The following TLN2 variants were observed in gnomAD, a reference collection of about 807,000 sequenced individuals.
TLN2 encodes talin 2.
In TLN2, 118 loss-of-function variants were observed where a neutral mutation model predicts 294.7. The observed-to-expected ratio is 0.40, with a 90% CI of 0.34 to 0.47. The LOEUF (loss-of-function observed/expected upper bound fraction) is 0.47. Among genes scored for constraint, TLN2 ranks in the 20% least tolerant of loss-of-function variants. TLN2 has a pLI of 0.84. For synonymous variants in TLN2, 1,431 were observed against 1,304.5 expected (o/e 1.10, Z -2.09); for missense variants, 3,083 against 3,282.2 (o/e 0.94, Z 1.48).
At chr15:62,716,271 G>C in intron 22 of TLN2, 60 bp from the exon 23 acceptor site, 2 of 1,448,326 alleles carry the variant, frequency 1.4e-6, no homozygotes, top group Non-Finnish European at 1.8e-6. Flanking sequence ...AATACTGAAG[G>C]CATGAATTCA....
In TLN2 at chr15:62,841,966, C is replaced by CCTCTCTCTCTCACCCTCCGCCT. The variant is rs1555529773; in HGVS notation, c.*1367_*1368insACCCTCCGCCTCTCTCTCTCTC. 8.0e-5 allele frequency: 12 copies of CCTCTCTCTCTCACCCTCCGCCT among 149,380 alleles called. No individual in the cohort carries two copies. Among genetic ancestry groups the CCTCTCTCTCTCACCCTCCGCCT allele is most frequent in the African/African-American group, 2.7e-4 (11 of 40,612 alleles). The allele number at this position is 149,380 out of a possible 1,614,324, so 9.3% of individuals were successfully genotyped here. A position where few individuals can be genotyped will look rare whatever the true frequency, so the allele number is the denominator to read the frequency against. ...AACAGTTAAAGGCACTCACCCTCCG[C>CCTCTCTCTCTCACCCTCCGCCT]CTCTCTCTCTCTCTCTCTCTCTGGT... is the stretch of plus-strand genomic sequence containing the variant. On this transcript the variant is annotated 3_prime_UTR_variant, in exon 59 of 59. Coordinates refer to ENST00000636159, the MANE Select transcript of TLN2 (RefSeq NM_015059.3).
At chr15:62,722,515 C>G in intron 26 of TLN2, 28 bp downstream of exon 26, 2 of 1,591,350 alleles carry the variant, frequency 1.3e-6, no homozygotes, top group South Asian at 1.1e-5. Flanking sequence ...TAGGGGTTAA[C>G]TTGTCAGGAA....
intron 58 of TLN2, among the ~76,000 whole-genome samples, chr15:62,839,456 C>G (rs1390351997): frequency 6.6e-6 from 1 of 152,190 alleles, no homozygotes; most frequent in Non-Finnish European, 1.5e-5. Flanking sequence ...TAAAATGATG[C>G]ATTTGGAGGT....
chr15:62,797,416 C>G lies in TLN2; in HGVS notation c.6234+14C>G. The G allele has an allele frequency of 6.3e-7, 1 of 1,579,134 alleles. No individual in the cohort carries two copies. Among genetic ancestry groups the G allele is most frequent in the Non-Finnish European group, 8.6e-7 (1 of 1,167,700 alleles). ...CCCGAGACCCAGGTACCAGCAGGGC[C>G]TGGGGAGTGCGTCCTCCCGGTCTTC... is the stretch of plus-strand genomic sequence containing the variant. On this transcript the variant is annotated intron_variant, in intron 48 of 58. Transcript: ENST00000636159.
At chr15:62,562,500 C>A (rs1229471476) in intron 1 of TLN2, among the ~76,000 whole-genome samples, 1 of 151,674 alleles carries the variant, frequency 6.6e-6, no homozygotes, top group African/African-American at 2.4e-5. Flanking sequence ...TTGGCTCTGC[C>A]CCTTCTAGCC....
intron 1 of TLN2, among the ~76,000 whole-genome samples, chr15:62,527,712 T>G (rs2040816722): frequency 6.6e-6 from 1 of 152,244 alleles, no homozygotes; most frequent in South Asian, 2.1e-4. Flanking sequence ...GCTTTAACTT[T>G]CAATTCCAGG....
intron 1 of TLN2, among the ~76,000 whole-genome samples, chr15:62,520,622 A>G (rs2040409184): frequency 6.6e-6 from 1 of 152,224 alleles, no homozygotes; most frequent in Admixed American, 6.5e-5. Context: ...TCTAAACGGG[A>G]AACATAACTA....
chr15:62,412,243 A>G (rs905708085), intron 1 of TLN2, among the ~76,000 whole-genome samples: 1 of 152,168 alleles, frequency 6.6e-6, no homozygotes, highest in Non-Finnish European at 1.5e-5. Context: ...AATTTGGGGA[A>G]AGGCTTGCCT....
intron 17 of TLN2, 25 bp from the exon 18 acceptor site, chr15:62,701,967 T>C (rs1477929554): frequency 6.2e-7 from 1 of 1,611,628 alleles, no homozygotes; most frequent in Non-Finnish European, 8.5e-7. Flanking sequence ...CCTCCTTTGA[T>C]GGGGATGGTT....
intron 54 of TLN2, among the ~76,000 whole-genome samples, chr15:62,825,818 A>ATATAATATATAT (rs1567687639): frequency 1.2e-4 from 9 of 74,464 alleles, no homozygotes; most frequent in African/African-American, 6.4e-4. Flanking sequence ...TTATATTATA[A>ATATAATATATAT]TATATATTAT....
intron 39 of TLN2, 41 bp downstream of exon 39, chr15:62,762,494 A>C: frequency 5.6e-5 from 90 of 1,599,850 alleles, no homozygotes; most frequent in Middle Eastern, 1.9e-4. Context: ...CCTGCATCTC[A>C]GCGGGGAAGG....
chr15:62,452,544 A>G (rs759320550), intron 1 of TLN2, among the ~76,000 whole-genome samples: 2 of 152,142 alleles, frequency 1.3e-5, no homozygotes, highest in Admixed American at 6.5e-5. Context: ...CATCACCACC[A>G]TCCATCTCCA....
At chr15:62,673,681 G>A (rs975192394) in intron 9 of TLN2, 146 bp from the exon 10 acceptor site, 6 of 519,280 alleles carry the variant, frequency 1.2e-5, no homozygotes, top group African/African-American at 1.9e-5. Context: ...CAAGTGCATC[G>A]TAGGATATAG....
At chr15:62,556,506 T>A (rs1272879333) in intron 1 of TLN2, among the ~76,000 whole-genome samples, 2 of 151,664 alleles carry the variant, frequency 1.3e-5, no homozygotes, top group African/African-American at 2.4e-5. Flanking sequence ...AGAGATGGAG[T>A]TTTGCCATGT....
At chr15:62,565,227 A>G (rs1443822960) in intron 1 of TLN2, among the ~76,000 whole-genome samples, 2 of 152,152 alleles carry the variant, frequency 1.3e-5, no homozygotes, top group Non-Finnish European at 2.9e-5. Context: ...GTTCATAAAT[A>G]CCATTTTGAG....
intron 3 of TLN2, among the ~76,000 whole-genome samples, chr15:62,624,737 G>A (rs890298791): frequency 1.4e-4 from 21 of 152,230 alleles, no homozygotes; most frequent in African/African-American, 5.1e-4. Flanking sequence ...GTCTGCATGT[G>A]TGTACGCACA....
At chr15:62,779,198 A>G (rs1290956782) in intron 43 of TLN2, among the ~76,000 whole-genome samples, 2 of 152,168 alleles carry the variant, frequency 1.3e-5, no homozygotes, top group African/African-American at 4.8e-5. Flanking sequence ...GGAGGTTTGG[A>G]GACTCACAAG....
At chr15:62,802,400 A>G (rs1227196736) in intron 50 of TLN2, among the ~76,000 whole-genome samples, 3 of 132,986 alleles carry the variant, frequency 2.3e-5, no homozygotes, top group Admixed American at 8.0e-5. Flanking sequence ...ATGGACACAC[A>G]TATACAATGG....
chr15:62,585,743 A>G (rs976446526), intron 1 of TLN2, among the ~76,000 whole-genome samples: 5 of 152,170 alleles, frequency 3.3e-5, no homozygotes, highest in Admixed American at 3.3e-4. Context: ...ATAAGCTCCT[A>G]TTTGCTTGGA....
Sources: allele counts gnomAD v4.1 joint callset (sites outside exome capture counted in the v4.1 genomes callset), GRCh38; gene constraint gnomAD v4.1.1; transcripts MANE v1.5; gene names NCBI Gene and HGNC (gene_info 2026-07-23, HGNC 2026-07-21).